Variants in MPPED2 observed in about 807,000 individuals in gnomAD.
The protein encoded by MPPED2 is metallophosphoesterase domain containing 2.
Under a neutral mutation model 33.0 loss-of-function variants are expected in MPPED2, and 5 were observed. The observed-to-expected ratio is 0.15, with a 90% CI of 0.08 to 0.32. The LOEUF is 0.32. Among genes scored for constraint, MPPED2 ranks in the 10% least tolerant of loss-of-function variants. MPPED2 has a pLI of 1.00. For missense variants in MPPED2, 275 were observed against 372.1 expected (o/e 0.74, Z 2.15); for synonymous variants, 136 against 141.9 (o/e 0.96, Z 0.29).
chr11:30,561,197 G>T (rs1311567662), intron 2 of MPPED2, among the ~76,000 whole-genome samples: 2 of 152,076 alleles, frequency 1.3e-5, no homozygotes, highest in Non-Finnish European at 2.9e-5. Context: ...TTTCTACAGT[G>T]AAATAAATAC....
chr11:30,423,255 G>A (rs1358256125), intron 4 of MPPED2, among the ~76,000 whole-genome samples: 1 of 152,160 alleles, frequency 6.6e-6, no homozygotes, highest in African/African-American at 2.4e-5. Context: ...GTTGGTGCCT[G>A]TTATCCTCAG....
chr11:30,416,523 G>A (rs1448251181), intron 5 of MPPED2, among the ~76,000 whole-genome samples: 2 of 152,166 alleles, frequency 1.3e-5, no homozygotes, highest in Non-Finnish European at 2.9e-5. Context: ...AAAATTTGTG[G>A]AAATTATTTA....
chr11:30,479,249 C>A (rs1951369154), intron 4 of MPPED2, among the ~76,000 whole-genome samples: 2 of 152,018 alleles, frequency 1.3e-5, no homozygotes, highest in Admixed American at 6.6e-5. Context: ...GAATTCAAAC[C>A]ACTTCAAAAT....
intron 4 of MPPED2, among the ~76,000 whole-genome samples, chr11:30,436,180 C>T (rs1329990687): frequency 6.6e-6 from 1 of 151,222 alleles, no homozygotes; most frequent in African/African-American, 2.4e-5. Context: ...AAACTGTAAA[C>T]CGCCAGAGGG....
At chr11:30,473,130 A>C (rs1031961208) in intron 4 of MPPED2, among the ~76,000 whole-genome samples, 5 of 152,180 alleles carry the variant, frequency 3.3e-5, no homozygotes, top group African/African-American at 1.2e-4. Flanking sequence ...TATCGTATGG[A>C]CACACTGCAA....
At chr11:30,487,920 GCAACTA>G (rs1565117175) in intron 4 of MPPED2, among the ~76,000 whole-genome samples, 1 of 151,760 alleles carries the variant, frequency 6.6e-6, no homozygotes, top group East Asian at 1.9e-4. Context: ...CACCCTTTTT[GCAACTA>G]GATGAAAACG....
chr11:30,501,516 T>A (rs1245161526), intron 3 of MPPED2: 2 of 496,084 alleles, frequency 4.0e-6, no homozygotes, highest in Non-Finnish European at 5.2e-6. Context: ...ACTTTTTGCC[T>A]CCTTCTCTCA....
intron 4 of MPPED2, among the ~76,000 whole-genome samples, chr11:30,468,271 CTCTCTCTCT>C (rs1296708172): frequency 7.1e-6 from 1 of 140,502 alleles, no homozygotes; most frequent in Non-Finnish European, 1.6e-5. Context: ...CTCTCTCTCT[CTCTCTCTCT>C]TTCAATATGC....
At chr11:30,460,888 G>A (rs1950491791) in intron 4 of MPPED2, among the ~76,000 whole-genome samples, 1 of 152,086 alleles carries the variant, frequency 6.6e-6, no homozygotes, top group Non-Finnish European at 1.5e-5. Context: ...TATACCCAAA[G>A]GAAGTGAAAG....
chr11:30,512,485 C>A lies in MPPED2; in HGVS notation c.311-16964G>T, dbSNP rs547347266. On this transcript the variant is annotated intron_variant, in intron 3 of 6. Coordinates refer to ENST00000358117, the MANE Select transcript of MPPED2 (RefSeq NM_001584.3). ...AGTTTGAATTTACAAAACAAACAAA[C>A]AAAAAAACTGAAATTAGGTCTGCTC... 6.0e-5 allele frequency among the ~76,000 whole-genome samples: 9 copies of A among 149,972 alleles called. No homozygotes were observed. The South Asian group carries it at 1.9e-3, about 32-fold the overall frequency.
Position 30,479,135 on chromosome 11 carries a change from A to C in MPPED2, c.536+16161T>G, listed in dbSNP as rs1951360810. Among the ~76,000 whole-genome samples, 3 of 152,046 alleles carry C rather than the reference A, an allele frequency of 2.0e-5. No individual in the cohort carries two copies. The South Asian group carries it at 6.2e-4, about 32-fold the overall frequency. ...ACTAGGCTGAATGGAACACCAGGGAATATGCTGGAGGGAGGGAGATCACAC... is the reference window on the plus strand; with the variant it reads ...ACTAGGCTGAATGGAACACCAGGGACTATGCTGGAGGGAGGGAGATCACAC... On this transcript the variant is annotated intron_variant, in intron 4 of 6. Coordinates refer to ENST00000358117, the MANE Select transcript of MPPED2 (RefSeq NM_001584.3).
downstream of MPPED2, among the ~76,000 whole-genome samples, chr11:30,407,742 G>A (rs980411646): frequency 2.5e-4 from 38 of 152,104 alleles, no homozygotes; most frequent in African/African-American, 8.5e-4. Flanking sequence ...GCGGTGGCAC[G>A]AGCCTGCAGT....
chr11:30,520,621 T>C (rs12290815), intron 3 of MPPED2, among the ~76,000 whole-genome samples: 1,946 of 152,296 alleles, frequency 0.013, 41 homozygotes, highest in African/African-American at 0.045. Context: ...ATACAGTAAG[T>C]ATTTGGAAAT....
intron 2 of MPPED2, among the ~76,000 whole-genome samples, chr11:30,564,607 A>C (rs563857903): frequency 6.6e-6 from 1 of 152,286 alleles, no homozygotes; most frequent in East Asian, 1.9e-4. Flanking sequence ...GCTTCTGGAA[A>C]CCACGTTCTT....
At chr11:30,541,573 C>T (rs1361954301) in intron 2 of MPPED2, among the ~76,000 whole-genome samples, 1 of 152,186 alleles carries the variant, frequency 6.6e-6, no homozygotes, top group African/African-American at 2.4e-5. Context: ...AATCCTCAGG[C>T]TGTGCTTATG....
intron 6 of MPPED2, among the ~76,000 whole-genome samples, chr11:30,393,695 T>C (rs1947806981): frequency 6.6e-6 from 1 of 152,256 alleles, no homozygotes; most frequent in Non-Finnish European, 1.5e-5. Flanking sequence ...AAATTATATT[T>C]AAGGACTCCC....
rs1239374033 is a variant in MPPED2, at chr11:30,516,199, C to G, written c.310+19795G>C. Among the ~76,000 whole-genome samples the G allele has an allele frequency of 2.0e-5, 3 of 152,140 alleles. No individual in the cohort carries two copies. The East Asian group carries it at 5.8e-4, about 29-fold the overall frequency. On this transcript the variant is annotated intron_variant, in intron 3 of 6. Coordinates refer to ENST00000358117, the MANE Select transcript of MPPED2 (RefSeq NM_001584.3). ...AGTGTGATGAATTCTCTCTGCCACA[C>G]CTGTGCTGAAACCCCTTCAGAAAAG... is the stretch of plus-strand genomic sequence containing the variant.
downstream of MPPED2, chr11:30,409,963 G>T: frequency 2.4e-6 from 1 of 420,116 alleles, no homozygotes; most frequent in Non-Finnish European, 3.2e-6. Context: ...CTCTGTTCCT[G>T]TAGAAATTAC....
downstream of MPPED2, among the ~76,000 whole-genome samples, chr11:30,407,820 G>A (rs1948013730): frequency 1.3e-5 from 2 of 152,078 alleles, no homozygotes; most frequent in African/African-American, 4.8e-5. Context: ...GCAGTGAGCT[G>A]GGATTGCACC....
Sources: gnomAD v4.1 joint callset for allele counts (sites outside exome capture counted in the v4.1 genomes callset) on GRCh38, gnomAD v4.1.1 for gene constraint, MANE v1.5 for transcripts, NCBI Gene and HGNC (gene_info 2026-07-23, HGNC 2026-07-21) for gene names.